The following HDAC7 variants were observed in gnomAD, a reference collection of about 807,000 sequenced individuals.
HDAC7 encodes the protein histone deacetylase 7.
HDAC7 carries 26 observed loss-of-function variants against 115.5 expected under a neutral mutation model. That is an observed-to-expected ratio of 0.23 (90% CI 0.16 to 0.31). The LOEUF (loss-of-function observed/expected upper bound fraction) is 0.31. HDAC7 is among the 10% of genes least tolerant of loss of function. HDAC7 has a pLI of 1.00. For missense variants in HDAC7, 1,068 were observed against 1,329.0 expected, an observed-to-expected ratio of 0.80 and a Z score of 3.05; for synonymous variants, 564 against 550.9, an observed-to-expected ratio of 1.02 and a Z score of -0.33.
intron 1 of HDAC7, among the ~76,000 whole-genome samples, chr12:47,806,603 C>T (rs1217413004): frequency 1.3e-5 from 2 of 152,106 alleles, no homozygotes; most frequent in Admixed American, 6.5e-5. Context: ...GCACAAGAAT[C>T]GCTTGAACCC....
At chr12:47,794,522 T>C (rs1943699417) in intron 12 of HDAC7, among the ~76,000 whole-genome samples, 1 of 152,210 alleles carries the variant, frequency 6.6e-6, no homozygotes, top group South Asian at 2.1e-4. Flanking sequence ...AAAAGGGACA[T>C]GCTTCACCTG....
intron 19 of HDAC7, 123 bp from the exon 20 acceptor site, chr12:47,788,287 G>T: frequency 7.7e-7 from 1 of 1,293,916 alleles, no homozygotes; most frequent in South Asian, 1.6e-5. Flanking sequence ...CAGGAACCTG[G>T]GGTTCCTAAA....
chr12:47,789,607 A>G, intron 17 of HDAC7, 29 bp from the exon 18 acceptor site: 1 of 1,613,014 alleles, frequency 6.2e-7, no homozygotes, highest in Non-Finnish European at 8.5e-7. Context: ...CTTGTCAATC[A>G]ACAGACAGCT....
intron 21 of HDAC7, 80 bp from the exon 22 acceptor site, chr12:47,786,783 C>A (rs1302822031): frequency 4.5e-6 from 5 of 1,102,986 alleles, no homozygotes; most frequent in Non-Finnish European, 6.8e-6. Context: ...CGGTGGGGCA[C>A]CCTGTTCTTA....
intron 1 of HDAC7, among the ~76,000 whole-genome samples, chr12:47,804,491 C>T (rs1394048437): frequency 6.7e-6 from 1 of 149,736 alleles, no homozygotes; most frequent in Non-Finnish European, 1.5e-5. Context: ...TGCCTCTCTC[C>T]GAGGGCTGTT....
chr12:47,791,205 G>A, intron 16 of HDAC7, 54 bp downstream of exon 16: 1 of 1,484,172 alleles, frequency 6.7e-7, no homozygotes. Context: ...GAACCACAGG[G>A]AGGAGAGCTG....
At chr12:47,802,539 C>A in intron 1 of HDAC7, 3 of 1,489,704 alleles carry the variant, frequency 2.0e-6, no homozygotes, top group East Asian at 4.9e-5. Flanking sequence ...ACAGCAAGAA[C>A]CTAAGGAGGC....
intron 24 of HDAC7, chr12:47,784,771 C>A: frequency 6.5e-7 from 1 of 1,535,544 alleles, no homozygotes; most frequent in Non-Finnish European, 8.7e-7. Context: ...GGAACCATGT[C>A]CTGGAATCTG....
At chr12:47,784,242 A>G in intron 24 of HDAC7, 25 bp from the exon 25 acceptor site, 1 of 1,599,160 alleles carries the variant, frequency 6.3e-7, no homozygotes, top group Non-Finnish European at 8.5e-7. Context: ...CAGGTCAGAA[A>G]GGGTTGGAGA....
intron 1 of HDAC7, among the ~76,000 whole-genome samples, chr12:47,811,359 G>C (rs528456355): frequency 1.3e-5 from 2 of 152,276 alleles, no homozygotes; most frequent in East Asian, 3.9e-4. Context: ...TCAACAGACA[G>C]ATGGCATGGT....
At chr12:47,796,554 G>A (rs1943857028) in intron 7 of HDAC7, among the ~76,000 whole-genome samples, 1 of 151,642 alleles carries the variant, frequency 6.6e-6, no homozygotes, top group Admixed American at 6.6e-5. Flanking sequence ...CTCCCAAGTA[G>A]CTGGGACTAC....
At chr12:47,804,451 G>T (rs58321471) in intron 1 of HDAC7, among the ~76,000 whole-genome samples, 1,632 of 151,628 alleles carry the variant, frequency 0.011, 38 homozygotes, top group African/African-American at 0.038. Flanking sequence ...CCCAGTTCTG[G>T]CTTGAGTGTG....
At chr12:47,800,123 C>T (rs1944091033) in intron 2 of HDAC7, among the ~76,000 whole-genome samples, 1 of 152,220 alleles carries the variant, frequency 6.6e-6, no homozygotes, top group African/African-American at 2.4e-5. Context: ...ACAATCTTTA[C>T]ATCTACAGCA....
chr12:47,796,426 CTT>C (rs35550737), intron 7 of HDAC7, 128 bp from the exon 8 acceptor site: 6,142 of 451,716 alleles, frequency 0.014, no homozygotes, highest in East Asian at 0.027. Flanking sequence ...TTCCTGCTTT[CTT>C]TTTTTTTTTT....
At chr12:47,809,020 GA>G (rs1388305273) in intron 1 of HDAC7, among the ~76,000 whole-genome samples, 1 of 152,182 alleles carries the variant, frequency 6.6e-6, no homozygotes, top group Admixed American at 6.5e-5. Flanking sequence ...GTAACATGGG[GA>G]TAAGTCGGCC....
chr12:47,794,784 G>A lies in HDAC7; in HGVS notation c.1434C>T (p.Pro478=), dbSNP rs373940893. The change falls in exon 12 of 26, where the codon CCC becomes CCT. Residue 478 remains proline, a synonymous_variant. Coordinates refer to ENST00000080059, the MANE Select transcript of HDAC7 (RefSeq NM_015401.5). ...CCTGAGGGTGCTGCTGGAGAGGAGCGGGGCCTCTGGCCTCAGGCTGCCCAT... is the reference window on the plus strand; with the variant it reads ...CCTGAGGGTGCTGCTGGAGAGGAGCAGGGCCTCTGGCCTCAGGCTGCCCAT... ...LGHGQPEARG[P]APLQQHPQVL... The A allele has an allele frequency of 3.0e-5, 49 of 1,608,536 alleles. No individual in the cohort carries two copies. The highest frequency in any genetic ancestry group is 2.3e-4 in the African/African-American group (17 of 74,680).
rs77705540 is a variant in HDAC7 at position 47,785,736 on chromosome 12, G to A, written c.2706+16C>T. On this transcript the variant is annotated intron_variant, in intron 23 of 25. Transcript: ENST00000080059. ...CTGCCTGACAGAAGCATGGATGGGG[G>A]AGGGAGACGGCTCACCCTGTTACCC... 6.3e-7 allele frequency: 1 copy of A among 1,599,254 alleles called. No individual in the cohort carries two copies. Among genetic ancestry groups the A allele is most frequent in the Non-Finnish European group, 8.5e-7 (1 of 1,172,592 alleles).
chr12:47,788,214 A>G (rs894169619), intron 19 of HDAC7, 50 bp from the exon 20 acceptor site: 1 of 1,557,170 alleles, frequency 6.4e-7, no homozygotes. Flanking sequence ...GATGGGGGCC[A>G]GGACAGGTTA....
Position 47,803,270 on chromosome 12 carries a change from A to G in HDAC7, c.20-996T>C, listed in dbSNP as rs1944251775. 6.6e-6 allele frequency among the ~76,000 whole-genome samples: 1 copy of G among 152,216 alleles called. No homozygotes were observed. The highest frequency in any genetic ancestry group is 1.5e-5 in the Non-Finnish European group (1 of 68,032). On this transcript the variant is annotated intron_variant, in intron 1 of 25. Coordinates refer to ENST00000080059, the MANE Select transcript of HDAC7 (RefSeq NM_015401.5). The surrounding 1 kb of genome is among the most constrained non-coding windows in gnomAD (Gnocchi z 4.0). ...TGCCTGGACGGGGTACTGGGTGGAC[A>G]CAGAAGCGCTCTGCTGGCCAGACTT...
Sources: gnomAD v4.1 joint callset for allele counts (sites outside exome capture counted in the v4.1 genomes callset) on GRCh38, gnomAD v4.1.1 for gene constraint, Gnocchi (gnomAD v3.1) non-coding constraint, MANE v1.5 for transcripts, NCBI Gene and HGNC (gene_info 2026-07-23, HGNC 2026-07-21) for gene names.